PCDH15: variants seen among roughly 807,000 people sequenced by gnomAD.
The protein encoded by PCDH15 is protocadherin-15.
PCDH15 carries 129 observed loss-of-function variants against 178.5 expected under a neutral mutation model. The ratio of observed to expected loss-of-function variants is 0.72; its 90% CI spans 0.63 to 0.84. The LOEUF is 0.84. Among genes scored for constraint, PCDH15 ranks in the 40% least tolerant of loss-of-function variants. The pLI is 0.00. For missense variants in PCDH15, 2,230 were observed against 2,099.9 expected, an observed-to-expected ratio of 1.06 and a Z score of -1.21; for synonymous variants, 800 against 732.0, an observed-to-expected ratio of 1.09 and a Z score of -1.50.
intron 2 of PCDH15, among the ~76,000 whole-genome samples, chr10:55,064,039 C>T (rs1841502998): frequency 6.6e-6 from 1 of 152,052 alleles, no homozygotes; most frequent in Non-Finnish European, 1.5e-5. Context: ...AGGAATAGTT[C>T]CTATTTTGCC....
At chr10:55,506,536 A>G (rs1457704167) in intron 2 of PCDH15, among the ~76,000 whole-genome samples, 1 of 151,558 alleles carries the variant, frequency 6.6e-6, no homozygotes, top group Non-Finnish European at 1.5e-5. Context: ...AGGGTTCACA[A>G]CTGAACCATT....
At chr10:55,456,409 A>G (rs902460810) in intron 2 of PCDH15, among the ~76,000 whole-genome samples, 2 of 152,112 alleles carry the variant, frequency 1.3e-5, no homozygotes, top group East Asian at 3.9e-4. Context: ...AAGAAAATAT[A>G]TGAACATTAT....
rs752058090 is a variant in PCDH15 at position 53,806,679 on chromosome 10, T to C, written c.5123A>G (p.Lys1708Arg). 40 of 1,613,784 alleles carry C rather than the reference T, an allele frequency of 2.5e-5. No individual in the cohort carries two copies. The highest frequency in any genetic ancestry group is 3.3e-4 in the Middle Eastern group (2 of 6,084). The stretch of plus-strand genomic sequence containing the variant: ...GTCACTATGAAATTCCAAAGCCTCC[T>C]TGATGTTCTTACTGTCAATCATGGA... ...QESMIDSKNI[K>R]EALEFHSDHT... is the part of the protein sequence containing the mutation. Residue 1708 changes from lysine to arginine, a missense_variant, in exon 38 of 38, where the codon AAG (lysine) becomes AGG (arginine). Coordinates refer to ENST00000644397, the MANE Select transcript of PCDH15 (RefSeq NM_001384140.1).
chr10:55,539,033 G>T (rs28612241), intron 2 of PCDH15, among the ~76,000 whole-genome samples: 8 of 58,046 alleles, frequency 1.4e-4, no homozygotes, highest in African/African-American at 4.3e-4. Flanking sequence ...CCTTCCTTGC[G>T]TCCTTCCTTC....
intron 13 of PCDH15, among the ~76,000 whole-genome samples, chr10:54,170,041 C>A (rs2133599586): frequency 6.9e-6 from 1 of 144,674 alleles, no homozygotes; most frequent in East Asian, 2.0e-4. Flanking sequence ...CACCCTTAAT[C>A]CCAGCCTCTC....
chr10:55,337,765 T>A (rs1450855060), intron 2 of PCDH15, among the ~76,000 whole-genome samples: 1 of 152,162 alleles, frequency 6.6e-6, no homozygotes, highest in Non-Finnish European at 1.5e-5. Flanking sequence ...AGAAGGTGCA[T>A]TTATCACATT....
chr10:55,464,664 G>A (rs1323656422), intron 2 of PCDH15, among the ~76,000 whole-genome samples: 2 of 146,710 alleles, frequency 1.4e-5, no homozygotes, highest in Admixed American at 6.9e-5. Flanking sequence ...ATGTGTGTGT[G>A]TGTGTATATA....
In PCDH15 at chr10:54,183,507, G is replaced by C. The variant is rs2048201312; in HGVS notation, c.1527C>G (p.Phe509Leu). ...CATACACATCATAGGATATTTCAGG[G>C]AAGGTTGGCGTGTTATCATTTGCAT... ...VMDANDNTPT[F>L]PEISYDVYVY... The change falls in exon 13 of 38, where the codon TTC (phenylalanine) becomes TTG (leucine). Residue 509 changes from phenylalanine to leucine, a missense_variant. Coordinates refer to ENST00000644397, the MANE Select transcript of PCDH15 (RefSeq NM_001384140.1). 1 of 1,613,666 alleles carries C rather than the reference G, an allele frequency of 6.2e-7. No homozygotes were observed. The highest frequency in any genetic ancestry group is 1.3e-5 in the African/African-American group (1 of 74,900).
Position 55,072,742 on chromosome 10 carries a change from A to G in PCDH15, c.-80+93834T>C, listed in dbSNP as rs544353096. Among the ~76,000 whole-genome samples the G allele has an allele frequency of 7.7e-3, 1,170 of 152,154 alleles. 5 individuals are homozygous for G. Among genetic ancestry groups the G allele is most frequent in the Non-Finnish European group, 0.01 (707 of 68,008 alleles). ...AAAAAGAGGGAATCCTCCCTAACTC[A>G]TTTTATGAGGCCAGCATCATCCTGA... On this transcript the variant is annotated intron_variant, in intron 2 of 5. Transcript: ENST00000458638.
intron 4 of PCDH15, among the ~76,000 whole-genome samples, chr10:54,375,980 C>T (rs555763337): frequency 7.3e-5 from 11 of 151,310 alleles, no homozygotes; most frequent in South Asian, 2.1e-4. Flanking sequence ...CTGCAACCTC[C>T]GCCTCCTGGG....
intron 3 of PCDH15, among the ~76,000 whole-genome samples, chr10:54,818,308 T>C (rs140125562): frequency 2.0e-5 from 3 of 152,238 alleles, no homozygotes; most frequent in African/African-American, 7.2e-5. Context: ...AATTACTTAA[T>C]GATTGCAAAT....
At chr10:54,637,604 A>T (rs1337832357) in intron 2 of PCDH15, among the ~76,000 whole-genome samples, 2 of 151,828 alleles carry the variant, frequency 1.3e-5, no homozygotes, top group Non-Finnish European at 1.5e-5. Context: ...ATTTTCAAGG[A>T]CTCTAATTAT....
At chr10:54,529,833 A>G (rs1401821681) in intron 2 of PCDH15, among the ~76,000 whole-genome samples, 2 of 152,090 alleles carry the variant, frequency 1.3e-5, no homozygotes, top group African/African-American at 2.4e-5. Flanking sequence ...TCCAATTATT[A>G]TGTACATAGA....
intron 8 of PCDH15, among the ~76,000 whole-genome samples, chr10:54,243,335 C>T (rs1274871903): frequency 6.6e-6 from 1 of 152,098 alleles, no homozygotes; most frequent in African/African-American, 2.4e-5. Context: ...GGTGAAACCC[C>T]TTCTGTACTA....
Position 54,797,051 on chromosome 10 carries a change from T to C in PCDH15, c.-29+3874A>G, listed in dbSNP as rs1952100501. ...TTCATTAGCTGGGCTTCCTTTTGAATGATGCACTTCATTGCACACACCGCT... is the reference window on the plus strand; with the variant it reads ...TTCATTAGCTGGGCTTCCTTTTGAACGATGCACTTCATTGCACACACCGCT... On this transcript the variant is annotated intron_variant, in intron 1 of 37. Transcript: ENST00000644397. 1.3e-5 allele frequency among the ~76,000 whole-genome samples: 2 copies of C among 152,018 alleles called. 1 individual carries two copies. The highest frequency in any genetic ancestry group is 4.1e-4 in the South Asian group (2 of 4,830).
At chr10:54,965,075 T>G (rs1428168748) in intron 2 of PCDH15, among the ~76,000 whole-genome samples, 1 of 152,198 alleles carries the variant, frequency 6.6e-6, no homozygotes, top group Non-Finnish European at 1.5e-5. Context: ...ATATTAAGTA[T>G]GTACATATTA....
intron 8 of PCDH15, among the ~76,000 whole-genome samples, chr10:54,268,370 G>T (rs945458336): frequency 2.6e-5 from 4 of 151,880 alleles, no homozygotes; most frequent in Non-Finnish European, 5.9e-5. Flanking sequence ...CGTAGGCAAA[G>T]AATTTATGAC....
intron 18 of PCDH15, among the ~76,000 whole-genome samples, chr10:54,049,182 T>C (rs2093715474): frequency 6.6e-6 from 1 of 152,196 alleles, no homozygotes; most frequent in Non-Finnish European, 1.5e-5. Flanking sequence ...GACTGTTATT[T>C]GTGCATAAAA....
At chr10:54,063,999 C>G (rs1302869770) in intron 18 of PCDH15, among the ~76,000 whole-genome samples, 1 of 152,204 alleles carries the variant, frequency 6.6e-6, no homozygotes. Context: ...TGTTACCGCT[C>G]TTTCATTCCT....
Sources: allele counts gnomAD v4.1 joint callset (sites outside exome capture counted in the v4.1 genomes callset), GRCh38; gene constraint gnomAD v4.1.1; transcripts MANE v1.5; gene names NCBI Gene and HGNC (gene_info 2026-07-23, HGNC 2026-07-21).